IQCJ: variants seen among roughly 807,000 people sequenced by gnomAD.
The protein encoded by IQCJ is IQ domain-containing protein J.
Under a neutral mutation model 11.0 loss-of-function variants are expected in IQCJ, and 9 were observed. That is an observed-to-expected ratio of 0.82 (90% CI 0.49 to 1.43). The LOEUF is 1.43. Ranked by LOEUF, IQCJ falls within the 40% of genes most tolerant of loss-of-function variation. The pLI, the probability that IQCJ is intolerant of heterozygous loss-of-function variation, is 0.00. For missense variants in IQCJ, 146 were observed against 133.2 expected, an observed-to-expected ratio of 1.10 and a Z score of -0.47; for synonymous variants, 55 against 51.3, an observed-to-expected ratio of 1.07 and a Z score of -0.31.
At chr3:159,216,868 G>A (rs1169907669) in intron 1 of IQCJ, among the ~76,000 whole-genome samples, 2 of 152,074 alleles carry the variant, frequency 1.3e-5, no homozygotes, top group Admixed American at 6.6e-5. Flanking sequence ...TGACTTGTGA[G>A]TATATATGAA....
At chr3:159,233,577 C>T (rs556815101) in intron 1 of IQCJ, among the ~76,000 whole-genome samples, 17 of 152,080 alleles carry the variant, frequency 1.1e-4, no homozygotes, top group Non-Finnish European at 1.9e-4. Context: ...TGCTATTTGC[C>T]TGGTGCAAGA....
intron 1 of IQCJ, among the ~76,000 whole-genome samples, chr3:159,209,908 C>G (rs895027427): frequency 1.1e-4 from 17 of 152,320 alleles, no homozygotes; most frequent in African/African-American, 4.1e-4. Context: ...TGCCTCCACC[C>G]TTGAGTAGTT....
At chr3:159,131,046 A>G (rs1170073559) in intron 1 of IQCJ, among the ~76,000 whole-genome samples, 4 of 152,184 alleles carry the variant, frequency 2.6e-5, no homozygotes, top group Admixed American at 6.5e-5. Flanking sequence ...AAGGCAAAGT[A>G]TGTAAAAGAA....
chr3:159,150,984 T>G (rs1474742166), intron 1 of IQCJ, among the ~76,000 whole-genome samples: 1 of 152,172 alleles, frequency 6.6e-6, no homozygotes, highest in East Asian at 1.9e-4. Context: ...GTCAGGCCTT[T>G]TCAGGTGGAG....
At chr3:159,160,219 ACT>A (rs1721758213) in intron 1 of IQCJ, among the ~76,000 whole-genome samples, 1 of 152,000 alleles carries the variant, frequency 6.6e-6, no homozygotes, top group African/African-American at 2.4e-5. Flanking sequence ...CATCACCAAC[ACT>A]CACACCTTCA....
intron 1 of IQCJ, among the ~76,000 whole-genome samples, chr3:159,184,892 A>G (rs771791345): frequency 6.6e-5 from 10 of 152,176 alleles, no homozygotes; most frequent in Non-Finnish European, 1.2e-4. Context: ...TGAATTTGCA[A>G]GAGTATCTCC....
intron 1 of IQCJ, among the ~76,000 whole-genome samples, chr3:159,234,075 G>C (rs185218197): frequency 6.6e-6 from 1 of 152,184 alleles, no homozygotes; most frequent in African/African-American, 2.4e-5. Flanking sequence ...GGAAAAGAGT[G>C]CAGATGATAC....
intron 1 of IQCJ, among the ~76,000 whole-genome samples, chr3:159,238,068 G>C (rs1312826794): frequency 6.6e-6 from 1 of 152,078 alleles, no homozygotes; most frequent in African/African-American, 2.4e-5. Flanking sequence ...TAGTTGAATG[G>C]GGCAAAGGAA....
At chr3:159,261,064 CA>C (rs552808715) in intron 3 of IQCJ, among the ~76,000 whole-genome samples, 7 of 152,240 alleles carry the variant, frequency 4.6e-5, no homozygotes, top group African/African-American at 1.2e-4. Context: ...AATGTGGTCA[CA>C]TTTTTTTTGT....
At chr3:159,235,737 G>GC in intron 1 of IQCJ, among the ~76,000 whole-genome samples, 1 of 152,310 alleles carries the variant, frequency 6.6e-6, no homozygotes, top group African/African-American at 2.4e-5. Context: ...TTTCGACTTA[G>GC]ATCGGGTGTT....
chr3:159,072,899 C>T (rs1269390731), intron 1 of IQCJ, among the ~76,000 whole-genome samples: 5 of 152,116 alleles, frequency 3.3e-5, no homozygotes, highest in Admixed American at 1.3e-4. Flanking sequence ...TAGCTTATTT[C>T]ATCTCTAGTT....
chr3:159,263,692 A>G lies in IQCJ; in HGVS notation c.*961A>G, dbSNP rs1728345744. On this transcript the variant is annotated 3_prime_UTR_variant, in exon 4 of 4. Coordinates refer to ENST00000397832, the MANE Select transcript of IQCJ (RefSeq NM_001042706.3). ...AATGTATTCTTTTTGGGATCAGGTA[A>G]AAGTTACTGTATTTGAAATGTTTTC... 5.1e-6 allele frequency: 5 copies of G among 985,404 alleles called. No homozygotes were observed. Among genetic ancestry groups the G allele is most frequent in the Non-Finnish European group, 6.0e-6 (5 of 829,914 alleles). The allele number at this position is 985,404 out of a possible 1,614,324, so 61.0% of individuals were successfully genotyped here.
At chr3:159,173,563 AT>A (rs1722614674) in intron 1 of IQCJ, among the ~76,000 whole-genome samples, 1 of 152,116 alleles carries the variant, frequency 6.6e-6, no homozygotes, top group Non-Finnish European at 1.5e-5. Context: ...TAATTCTCTT[AT>A]GCACCTACAA....
intron 1 of IQCJ, among the ~76,000 whole-genome samples, chr3:159,230,698 C>T (rs1726197195): frequency 6.6e-6 from 1 of 152,128 alleles, no homozygotes; most frequent in African/African-American, 2.4e-5. Context: ...AGAATGCTAC[C>T]TTCACAAGTA....
At chr3:159,203,957 T>C (rs1443475150) in intron 1 of IQCJ, among the ~76,000 whole-genome samples, 1 of 152,096 alleles carries the variant, frequency 6.6e-6, no homozygotes, top group African/African-American at 2.4e-5. Context: ...TTTTGTATAT[T>C]TAACAGGGTC....
At chr3:159,201,452 T>G (rs1398227835) in intron 1 of IQCJ, among the ~76,000 whole-genome samples, 4 of 152,112 alleles carry the variant, frequency 2.6e-5, no homozygotes, top group Admixed American at 2.0e-4. Flanking sequence ...AAATATGATT[T>G]TATGATATTT....
At chr3:159,158,054 A>G (rs1299903328) in intron 1 of IQCJ, among the ~76,000 whole-genome samples, 1 of 152,226 alleles carries the variant, frequency 6.6e-6, no homozygotes, top group African/African-American at 2.4e-5. Context: ...AAATTTTCAG[A>G]AGTAGAATTA....
rs184061797 is a variant in IQCJ, at chr3:159,107,245, G to A, written c.9+37804G>A. On this transcript the variant is annotated intron_variant, in intron 1 of 3. Transcript: ENST00000397832. ...AAAGTGATTAAATGGTAAGGGCAGG[G>A]CCCTTATGAATAGGCTTAGTGACCT... Among the ~76,000 whole-genome samples, 821 of 152,138 alleles carry A rather than the reference G, an allele frequency of 5.4e-3. 10 individuals carry two copies. The highest frequency in any genetic ancestry group is 0.018 in the African/African-American group (743 of 41,460).
At chr3:159,146,826 T>C (rs145263427) in intron 1 of IQCJ, among the ~76,000 whole-genome samples, 3 of 152,364 alleles carry the variant, frequency 2.0e-5, no homozygotes, top group African/African-American at 7.2e-5. Flanking sequence ...GATGAGAACT[T>C]TGTGATTCCA....
Sources: gnomAD v4.1 joint callset for allele counts (sites outside exome capture counted in the v4.1 genomes callset) on GRCh38, gnomAD v4.1.1 for gene constraint, MANE v1.5 for transcripts, NCBI Gene and HGNC (gene_info 2026-07-23, HGNC 2026-07-21) for gene names.